ITGB6: variants seen among roughly 807,000 people sequenced by gnomAD.
The protein encoded by ITGB6 is integrin subunit beta 6.
In ITGB6, 80 loss-of-function variants were observed where a neutral mutation model predicts 84.5. The observed-to-expected ratio is 0.95, with a 90% CI of 0.79 to 1.14. The LOEUF (loss-of-function observed/expected upper bound fraction) is 1.14. Ranked by LOEUF, ITGB6 falls within the 50% of genes most tolerant of loss-of-function variation. ITGB6 has a pLI of 0.00. For missense variants in ITGB6, 1,006 were observed against 968.0 expected (o/e 1.04, Z -0.52); for synonymous variants, 383 against 354.9 (o/e 1.08, Z -0.89).
chr2:160,199,988 G>A lies in ITGB6; in HGVS notation c.61+15C>T. The A allele has an allele frequency of 1.9e-6, 3 of 1,601,496 alleles. No homozygotes were observed. The East Asian group carries it at 6.7e-5, about 36-fold the overall frequency. ...CATACCACGAAAGTAATATATCAGA[G>A]AACGCAGGTCTTACCTTGTACGTGA... On this transcript the variant is annotated intron_variant, in intron 1 of 14. Coordinates refer to ENST00000283249, the MANE Select transcript of ITGB6 (RefSeq NM_000888.5).
At chr2:160,165,098 T>G (rs909041970) in intron 7 of ITGB6, among the ~76,000 whole-genome samples, 1 of 152,226 alleles carries the variant, frequency 6.6e-6, no homozygotes, top group Non-Finnish European at 1.5e-5. Context: ...TCCATGGAGA[T>G]GTCTCATAAT....
chr2:160,143,718 T>C (rs1684087079), intron 7 of ITGB6, among the ~76,000 whole-genome samples: 3 of 152,322 alleles, frequency 2.0e-5, no homozygotes, highest in East Asian at 1.9e-4. Flanking sequence ...AAGATTTAAA[T>C]GTTTTAGAAA....
intron 12 of ITGB6, among the ~76,000 whole-genome samples, chr2:160,116,975 A>T (rs1682805616): frequency 1.3e-5 from 2 of 151,882 alleles, no homozygotes; most frequent in South Asian, 2.1e-4. Flanking sequence ...TATCCTAAAT[A>T]TATATTCACC....
At position 160,107,799 on chromosome 2, in the gene ITGB6, G is replaced by A; in HGVS notation, c.2148C>T (p.Ser716=). 9.9e-6 allele frequency: 16 copies of A among 1,613,826 alleles called. No individual in the cohort carries two copies. The highest frequency in any genetic ancestry group is 1.1e-5 in the Non-Finnish European group (13 of 1,179,836). ...PNIPMIMLGV[S]LAILLIGVVL... The stretch of plus-strand genomic sequence containing the variant: ...CAACCCCGATGAGAAGAATAGCCAG[G>A]GAAACCCCTAACATGATCATGGGAA... The change falls in exon 14 of 15, where the codon TCC becomes TCT. Residue 716 remains serine (S), a synonymous_variant. Transcript: ENST00000283249.
At chr2:160,122,657 T>A (rs531520452) in intron 12 of ITGB6, among the ~76,000 whole-genome samples, 164 of 152,308 alleles carry the variant, frequency 1.1e-3, no homozygotes, top group Admixed American at 3.9e-3. Flanking sequence ...TTACTGCTAT[T>A]TGGCATGTTT....
At chr2:160,170,825 AT>A (rs1685172863) in intron 6 of ITGB6, among the ~76,000 whole-genome samples, 2 of 152,304 alleles carry the variant, frequency 1.3e-5, no homozygotes, top group African/African-American at 2.4e-5. Flanking sequence ...AGAAGTTCAT[AT>A]TAGGCAATAA....
chr2:160,195,628 A>G lies in ITGB6; in HGVS notation c.347-13T>C, dbSNP rs1326057583. 3.7e-6 allele frequency: 6 copies of G among 1,613,124 alleles called. No individual in the cohort carries two copies. The highest frequency in any genetic ancestry group is 1.3e-5 in the African/African-American group (1 of 74,918). On this transcript the variant is annotated splice_polypyrimidine_tract_variant and intron_variant, in intron 3 of 14. Transcript: ENST00000283249. ...GTCTGCGCACCACCTGCAAAGCCCA[A>G]CAGGAAAAGCAAACCCAGGAAAACA...
In ITGB6 at chr2:160,183,936, A is replaced by G. The variant is rs531225544; in HGVS notation, c.594-9797T>C. 4.6e-5 allele frequency among the ~76,000 whole-genome samples: 7 copies of G among 152,354 alleles called. No individual in the cohort carries two copies. The South Asian group carries it at 1.2e-3, about 27-fold the overall frequency. The stretch of plus-strand genomic sequence containing the variant: ...AAGAAGTTCTTTGAAACCAATGAGA[A>G]CAAAGACACAACGTAGTAGAATCTC... On this transcript the variant is annotated intron_variant, in intron 4 of 14. Transcript: ENST00000283249.
At chr2:160,108,926 C>T (rs1158445221) in intron 13 of ITGB6, among the ~76,000 whole-genome samples, 2 of 152,096 alleles carry the variant, frequency 1.3e-5, no homozygotes, top group Non-Finnish European at 2.9e-5. Flanking sequence ...ATTATGTTCT[C>T]CTCTTACTTT....
intron 7 of ITGB6, among the ~76,000 whole-genome samples, chr2:160,153,609 G>A (rs1159042301): frequency 1.3e-5 from 2 of 152,120 alleles, no homozygotes; most frequent in African/African-American, 4.8e-5. Flanking sequence ...AAACTAAAGA[G>A]CTTCTGCACA....
At chr2:160,148,195 A>T (rs1337283269) in intron 7 of ITGB6, among the ~76,000 whole-genome samples, 1 of 152,242 alleles carries the variant, frequency 6.6e-6, no homozygotes, top group Non-Finnish European at 1.5e-5. Context: ...GCAAATAGGC[A>T]TATGAAAAGA....
chr2:160,137,682 T>A lies in ITGB6; in HGVS notation c.1412A>T (p.Asn471Ile). Residue 471 changes from asparagine (N) to isoleucine (I), a missense_variant, in exon 10 of 15, where the codon AAC (asparagine) becomes ATC (isoleucine). Asn to Ile is a moderately radical substitution (Grantham distance 149). Transcript: ENST00000283249. ...ACACACCCCACACTGGAAAGAGCCG[T>A]TCCCGTGGTGACATTTGGAGCTGTT... ...EVNSSKCHHGNGSFQCGVCAC... is the reference protein window; with the variant it reads ...EVNSSKCHHGIGSFQCGVCAC... 6.2e-7 allele frequency: 1 copy of A among 1,614,196 alleles called. No individual in the cohort carries two copies.
intron 7 of ITGB6, among the ~76,000 whole-genome samples, chr2:160,160,711 G>A (rs146939232): frequency 1.2e-4 from 19 of 152,236 alleles, no homozygotes; most frequent in South Asian, 2.1e-4. Flanking sequence ...GCTATGACAC[G>A]TGGAAAATGC....
chr2:160,177,305 G>A (rs887803754), intron 4 of ITGB6, among the ~76,000 whole-genome samples: 2 of 151,886 alleles, frequency 1.3e-5, no homozygotes, highest in African/African-American at 2.4e-5. Flanking sequence ...TGTGGCTCAC[G>A]CCTGTAATCC....
At chr2:160,131,141 A>G (rs1231845767) in intron 10 of ITGB6, among the ~76,000 whole-genome samples, 1 of 152,232 alleles carries the variant, frequency 6.6e-6, no homozygotes, top group Non-Finnish European at 1.5e-5. Flanking sequence ...CCAAAGATCA[A>G]GAAAAAATTA....
intron 7 of ITGB6, among the ~76,000 whole-genome samples, chr2:160,144,465 C>T (rs946309646): frequency 6.6e-6 from 1 of 152,154 alleles, no homozygotes; most frequent in African/African-American, 2.4e-5. Flanking sequence ...TGGTTAACAG[C>T]GAATACCTAC....
At chr2:160,159,900 G>A (rs576845529) in intron 7 of ITGB6, among the ~76,000 whole-genome samples, 22 of 151,946 alleles carry the variant, frequency 1.4e-4, no homozygotes, top group Non-Finnish European at 2.6e-4. Context: ...ATTGTTTCTC[G>A]TCTATTTCCC....
At chr2:160,175,343 T>C (rs1472081285) in intron 4 of ITGB6, among the ~76,000 whole-genome samples, 16 of 152,246 alleles carry the variant, frequency 1.1e-4, no homozygotes, top group Admixed American at 1.0e-3. Context: ...TAATTAATAC[T>C]TGCCGTGTTT....
chr2:160,149,123 G>A (rs1160840958), intron 7 of ITGB6, among the ~76,000 whole-genome samples: 1 of 152,254 alleles, frequency 6.6e-6, no homozygotes, highest in Non-Finnish European at 1.5e-5. Flanking sequence ...TTTGAGCTCT[G>A]AGAACAGACA....
Sources: gnomAD v4.1 joint callset for allele counts (sites outside exome capture counted in the v4.1 genomes callset) on GRCh38, gnomAD v4.1.1 for gene constraint, MANE v1.5 for transcripts, NCBI Gene and HGNC (gene_info 2026-07-23, HGNC 2026-07-21) for gene names.